KSR2: variants seen among roughly 807,000 people sequenced by gnomAD.
The protein encoded by KSR2 is kinase suppressor of ras 2.
A neutral mutation model predicts 107.8 loss-of-function variants in KSR2; 25 were observed. The observed-to-expected ratio is 0.23, with a 90% confidence interval of 0.17 to 0.32. KSR2 has a LOEUF of 0.32. KSR2 is among the 10% of genes least tolerant of loss of function. KSR2 has a pLI of 1.00. For missense variants in KSR2, 887 were observed against 1,268.9 expected (o/e 0.70, Z 4.57); for synonymous variants, 480 against 507.0 (o/e 0.95, Z 0.71).
chr12:117,878,473 T>C (rs571208880), intron 1 of KSR2, among the ~76,000 whole-genome samples: 3 of 152,204 alleles, frequency 2.0e-5, no homozygotes, highest in African/African-American at 7.2e-5. Context: ...ATAGATGATG[T>C]TGTTAAAAAT....
chr12:117,542,750 C>A (rs1876597803), intron 9 of KSR2, among the ~76,000 whole-genome samples: 1 of 152,210 alleles, frequency 6.6e-6, no homozygotes, highest in Non-Finnish European at 1.5e-5. Flanking sequence ...CAACCTCAAT[C>A]CCAAGTAGCT....
intron 14 of KSR2, among the ~76,000 whole-genome samples, chr12:117,524,085 C>A (rs774725464): frequency 6.6e-6 from 1 of 152,212 alleles, no homozygotes; most frequent in Non-Finnish European, 1.5e-5. Flanking sequence ...CCTGCAATTT[C>A]ATTTGCAGAT....
chr12:117,808,471 A>G (rs938630338), intron 3 of KSR2, among the ~76,000 whole-genome samples: 4 of 152,254 alleles, frequency 2.6e-5, no homozygotes, highest in African/African-American at 7.2e-5. Context: ...CCTCATCTCT[A>G]AATTGGGAGT....
At chr12:117,586,629 A>AAGAAAGAAAGAAAGAAAGAAAG (rs1555219139) in intron 5 of KSR2, among the ~76,000 whole-genome samples, 32 of 138,392 alleles carry the variant, frequency 2.3e-4, no homozygotes, top group African/African-American at 8.7e-4. Flanking sequence ...AAAAGAAAGA[A>AAGAAAGAAAGAAAGAAAGAAAG]AAAGAAAGAA....
intron 4 of KSR2, among the ~76,000 whole-genome samples, chr12:117,746,721 TAAAC>T (rs1459418307): frequency 2.7e-5 from 4 of 150,602 alleles, no homozygotes; most frequent in African/African-American, 9.8e-5. Flanking sequence ...ACAAGCAACT[TAAAC>T]AAATTTACAA....
rs934635347 is a variant in KSR2 at position 117,756,937 on chromosome 12, C to T, written c.986+4074G>A. On this transcript the variant is annotated intron_variant, in intron 4 of 19. Coordinates refer to ENST00000339824, the MANE Select transcript of KSR2 (RefSeq NM_173598.6). ...AGGCATGATGGTGGGCACCTGTAAT[C>T]CCAGCTACTCAGGAGGCTGAGGCAG... Among the ~76,000 whole-genome samples the T allele has an allele frequency of 3.6e-4, 54 of 152,106 alleles. 1 individual carries two copies. Among genetic ancestry groups the T allele is most frequent in the African/African-American group, 1.2e-3 (48 of 41,472 alleles).
At chr12:117,801,343 G>A (rs1890826307) in intron 3 of KSR2, among the ~76,000 whole-genome samples, 1 of 149,748 alleles carries the variant, frequency 6.7e-6, no homozygotes, top group Non-Finnish European at 1.5e-5. Flanking sequence ...TGGCCAGGCT[G>A]ATCTCAAACT....
At chr12:117,959,653 G>A (rs1022087424) in intron 1 of KSR2, among the ~76,000 whole-genome samples, 46 of 152,284 alleles carry the variant, frequency 3.0e-4, no homozygotes, top group African/African-American at 1.1e-3. Flanking sequence ...ATCCAAGGCT[G>A]GACATGATGG....
At position 117,465,620 on chromosome 12, in the gene KSR2, G is replaced by GT. The variant is rs1238097255; in HGVS notation, c.*1578dup. 1.3e-5 allele frequency: 2 copies of GT among 152,234 alleles called. No individual in the cohort carries two copies. The highest frequency in any genetic ancestry group is 2.9e-5 in the Non-Finnish European group (2 of 68,106). 9.4% of individuals were successfully genotyped at this position (152,234 alleles called of 1,614,324 possible). A position where few individuals can be genotyped will look rare whatever the true frequency, so the allele number is the denominator to read the frequency against. ...GATTTTGAAAGTAAGATCAGGTAGG[G>GT]TTTTTGAAGTTCCAGTTCCTCTCTC... On this transcript the variant is annotated 3_prime_UTR_variant, in exon 20 of 20. Transcript: ENST00000339824.
chr12:117,793,194 A>ACCC (rs1890341034), intron 3 of KSR2, among the ~76,000 whole-genome samples: 3 of 135,832 alleles, frequency 2.2e-5, no homozygotes, highest in African/African-American at 5.9e-5. Flanking sequence ...ATGTGCACAC[A>ACCC]TACACACCAA....
At chr12:117,730,972 G>T (rs183725832) in intron 4 of KSR2, among the ~76,000 whole-genome samples, 2 of 150,246 alleles carry the variant, frequency 1.3e-5, no homozygotes, top group African/African-American at 2.5e-5. Context: ...GACGTCCATC[G>T]TCTGGGATGT....
chr12:117,498,548 T>C (rs998717884), intron 14 of KSR2, among the ~76,000 whole-genome samples: 1 of 152,150 alleles, frequency 6.6e-6, no homozygotes, highest in Non-Finnish European at 1.5e-5. Context: ...TTTGTCTTCT[T>C]GGGGATAAGC....
chr12:117,600,509 C>T (rs115668943), intron 5 of KSR2, among the ~76,000 whole-genome samples: 2,067 of 152,274 alleles, frequency 0.014, 45 homozygotes, highest in African/African-American at 0.047. Flanking sequence ...AGGAACACAG[C>T]CTAATGATGG....
chr12:117,455,310 A>C lies in KSR2; in HGVS notation c.*11889T>G, dbSNP rs939287550. On this transcript the variant is annotated 3_prime_UTR_variant, in exon 20 of 20. Coordinates refer to ENST00000339824, the MANE Select transcript of KSR2 (RefSeq NM_173598.6). The stretch of plus-strand genomic sequence containing the variant: ...ATCAGGCTTTGGGGAAAGCAGGGAA[A>C]GGCAGGCAAGTGCCAGGGGGCAGGA... 5.2e-4 allele frequency: 79 copies of C among 152,466 alleles called. No homozygotes were observed. The highest frequency in any genetic ancestry group is 1.9e-3 in the African/African-American group (77 of 41,604). 9.4% of individuals were successfully genotyped at this position (152,466 alleles called of 1,614,324 possible).
intron 3 of KSR2, among the ~76,000 whole-genome samples, chr12:117,853,561 C>G (rs1190568217): frequency 6.6e-6 from 1 of 151,784 alleles, no homozygotes; most frequent in Non-Finnish European, 1.5e-5. Flanking sequence ...AGGCTGGTCT[C>G]AAACTCCTGG....
intron 9 of KSR2, among the ~76,000 whole-genome samples, chr12:117,552,405 G>A (rs1038542399): frequency 6.6e-6 from 1 of 152,194 alleles, no homozygotes; most frequent in African/African-American, 2.4e-5. Flanking sequence ...ATCTGAGCAG[G>A]CTTGTGACTG....
intron 14 of KSR2, among the ~76,000 whole-genome samples, chr12:117,508,040 A>G (rs12424671): frequency 0.35 from 52,785 of 150,758 alleles, 9,776 homozygotes; most frequent in South Asian, 0.54. Context: ...CTTGGGTTCC[A>G]CAAAAGTTAG....
chr12:117,825,570 C>G (rs1481605002), intron 3 of KSR2, among the ~76,000 whole-genome samples: 3 of 152,200 alleles, frequency 2.0e-5, no homozygotes, highest in Non-Finnish European at 4.4e-5. Flanking sequence ...GTCAGGAAGA[C>G]CTTCCCTAAC....
intron 5 of KSR2, among the ~76,000 whole-genome samples, chr12:117,586,914 TC>T (rs1434991494): frequency 2.0e-5 from 3 of 152,218 alleles, no homozygotes; most frequent in African/African-American, 7.2e-5. Flanking sequence ...GAAGTGAATT[TC>T]ATCTCCCTTT....
Sources: allele counts gnomAD v4.1 joint callset (sites outside exome capture counted in the v4.1 genomes callset), GRCh38; gene constraint gnomAD v4.1.1; transcripts MANE v1.5; gene names NCBI Gene and HGNC (gene_info 2026-07-23, HGNC 2026-07-21).